The following PIGL variants were observed in gnomAD, a reference collection of about 807,000 sequenced individuals.
PIGL encodes the protein phosphatidylinositol glycan anchor biosynthesis class L, also known as N-acetylglucosaminyl-phosphatidylinositol de-N-acetylase.
Under a neutral mutation model 31.1 loss-of-function variants are expected in PIGL, and 22 were observed. The observed-to-expected ratio is 0.71, with a 90% confidence interval of 0.51 to 1.01. The LOEUF (loss-of-function observed/expected upper bound fraction) is 1.01. Ranked by LOEUF, PIGL falls within the 50% of genes least tolerant of loss-of-function variation. The pLI, the probability that PIGL is intolerant of heterozygous loss-of-function variation, is 0.00. For missense variants in PIGL, 302 were observed against 315.9 expected (o/e 0.96, Z 0.33); for synonymous variants, 131 against 117.4 (o/e 1.12, Z -0.75).
At chr17:16,316,606 C>G (rs1243868590) in intron 4 of PIGL, 75 bp from the exon 5 acceptor site, 3 of 1,457,064 alleles carry the variant, frequency 2.1e-6, no homozygotes, top group Non-Finnish European at 2.8e-6. Context: ...GCAGCCTTTC[C>G]TCTGAAGGCC....
intron 2 of PIGL, among the ~76,000 whole-genome samples, chr17:16,279,164 C>T (rs569415232): frequency 2.0e-5 from 3 of 152,150 alleles, no homozygotes; most frequent in South Asian, 2.1e-4. Context: ...AAGATGTTAC[C>T]GGGAAGGAGT....
At chr17:16,315,802 G>A (rs900415402) in intron 4 of PIGL, among the ~76,000 whole-genome samples, 6 of 123,356 alleles carry the variant, frequency 4.9e-5, no homozygotes, top group African/African-American at 9.1e-5. Context: ...TGCAGCCTCC[G>A]CCTCCTGCCT....
chr17:16,275,687 A>G (rs957093639), intron 2 of PIGL, among the ~76,000 whole-genome samples: 2 of 152,102 alleles, frequency 1.3e-5, no homozygotes, highest in African/African-American at 2.4e-5. Context: ...ACTGCCTATT[A>G]GGGTCTCTTG....
At chr17:16,248,076 C>T (rs1175473885) in intron 2 of PIGL, among the ~76,000 whole-genome samples, 3 of 151,996 alleles carry the variant, frequency 2.0e-5, no homozygotes, top group East Asian at 1.9e-4. Context: ...TTAGTAGAGA[C>T]GGGGTTTCAG....
chr17:16,244,042 G>A (rs1411987221), intron 2 of PIGL, among the ~76,000 whole-genome samples: 2 of 152,180 alleles, frequency 1.3e-5, no homozygotes, highest in African/African-American at 2.4e-5. Flanking sequence ...CCTGGGTGGG[G>A]GACTACAAGA....
chr17:16,291,422 G>A (rs374681466), intron 2 of PIGL, among the ~76,000 whole-genome samples: 30 of 150,370 alleles, frequency 2.0e-4, no homozygotes, highest in East Asian at 2.0e-3. Flanking sequence ...TAGGAGAATC[G>A]CTTGAACTCA....
intron 2 of PIGL, among the ~76,000 whole-genome samples, chr17:16,256,625 C>T (rs1220366514): frequency 6.6e-6 from 1 of 152,128 alleles, no homozygotes; most frequent in African/African-American, 2.4e-5. Flanking sequence ...GCTAGGATTA[C>T]AGGCGTGAGC....
intron 6 of PIGL, among the ~76,000 whole-genome samples, chr17:16,319,348 C>T (rs975553520): frequency 4.6e-5 from 7 of 151,936 alleles, no homozygotes; most frequent in Admixed American, 6.6e-5. Flanking sequence ...AGATATATCA[C>T]GAATCCCTTA....
chr17:16,222,057 A>G (rs976330060), intron 1 of PIGL, among the ~76,000 whole-genome samples: 1 of 152,158 alleles, frequency 6.6e-6, no homozygotes, highest in Non-Finnish European at 1.5e-5. Flanking sequence ...CTAATTTTTA[A>G]AATCCCTTCT....
intron 2 of PIGL, among the ~76,000 whole-genome samples, chr17:16,246,842 C>T (rs1051265556): frequency 2.5e-4 from 37 of 150,450 alleles, no homozygotes; most frequent in Admixed American, 6.7e-4. Context: ...CCCGCCACCG[C>T]GCCCGGCTAA....
intron 2 of PIGL, among the ~76,000 whole-genome samples, chr17:16,289,697 G>T (rs572113621): frequency 1.3e-5 from 2 of 152,234 alleles, no homozygotes; most frequent in African/African-American, 4.8e-5. Flanking sequence ...AGGGAATTGC[G>T]CCAGAATACC....
At chr17:16,231,263 C>CTCA (rs2092678193) in intron 1 of PIGL, among the ~76,000 whole-genome samples, 1 of 139,448 alleles carries the variant, frequency 7.2e-6, no homozygotes, top group African/African-American at 2.7e-5. Flanking sequence ...GACACAGGGT[C>CTCA]TCACATTGTC....
chr17:16,264,745 C>T (rs2092835134), intron 2 of PIGL, among the ~76,000 whole-genome samples: 1 of 151,594 alleles, frequency 6.6e-6, no homozygotes, highest in Non-Finnish European at 1.5e-5. Context: ...CTCCCTGGTT[C>T]AAGTGATTCT....
chr17:16,270,842 G>A (rs1384466086), intron 2 of PIGL, among the ~76,000 whole-genome samples: 4 of 151,622 alleles, frequency 2.6e-5, no homozygotes, highest in Admixed American at 2.6e-4. Flanking sequence ...GCAGTGAGCC[G>A]AGATCGCGCA....
chr17:16,217,638 G>GTCA, intron 1 of PIGL, 177 bp downstream of exon 1: 4 of 539,050 alleles, frequency 7.4e-6, no homozygotes, highest in East Asian at 3.0e-5. Context: ...TACCTGGTGG[G>GTCA]TTGGGGGACG....
chr17:16,242,525 C>T (rs1600765649), intron 2 of PIGL, among the ~76,000 whole-genome samples: 1 of 151,310 alleles, frequency 6.6e-6, no homozygotes, highest in Non-Finnish European at 1.5e-5. Context: ...CACTTTGAAA[C>T]TTCTGTAAAA....
intron 2 of PIGL, among the ~76,000 whole-genome samples, chr17:16,276,329 A>G (rs767315125): frequency 6.6e-6 from 1 of 152,240 alleles, no homozygotes; most frequent in Non-Finnish European, 1.5e-5. Flanking sequence ...AGATTTTTAC[A>G]TTATCTATCC....
intron 6 of PIGL, among the ~76,000 whole-genome samples, chr17:16,325,126 A>T (rs1334298288): frequency 6.6e-6 from 1 of 152,040 alleles, no homozygotes; most frequent in Non-Finnish European, 1.5e-5. Context: ...TGGGCAGATC[A>T]CTAGGTCAGG....
intron 2 of PIGL, among the ~76,000 whole-genome samples, chr17:16,286,411 TG>T (rs1037591626): frequency 2.0e-5 from 3 of 152,178 alleles, no homozygotes; most frequent in African/African-American, 7.2e-5. Flanking sequence ...ACCTGGTGAC[TG>T]AACGGACCCA....
Sources: gnomAD v4.1 joint callset for allele counts (sites outside exome capture counted in the v4.1 genomes callset) on GRCh38, gnomAD v4.1.1 for gene constraint, MANE v1.5 for transcripts, NCBI Gene and HGNC (gene_info 2026-07-23, HGNC 2026-07-21) for gene names.